Variants in TRAK2 observed in about 807,000 individuals in gnomAD.
TRAK2 encodes the protein trafficking kinesin-binding protein 2.
A neutral mutation model predicts 104.6 loss-of-function variants in TRAK2; 81 were observed. The observed-to-expected ratio is 0.77, with a 90% CI of 0.65 to 0.93. The LOEUF (loss-of-function observed/expected upper bound fraction) is 0.93. Ranked by LOEUF, TRAK2 falls within the 40% of genes least tolerant of loss-of-function variation. The pLI is 0.00. For missense variants in TRAK2, 1,002 were observed against 1,089.0 expected (o/e 0.92, Z 1.12); for synonymous variants, 406 against 394.4 (o/e 1.03, Z -0.35).
At position 201,384,225 on chromosome 2, in the gene TRAK2, G is replaced by T. The variant is rs759323070; in HGVS notation, c.1964-9C>A. 6.2e-7 allele frequency: 1 copy of T among 1,600,294 alleles called. No homozygotes were observed. The highest frequency in any genetic ancestry group is 8.6e-7 in the Non-Finnish European group (1 of 1,169,344). On this transcript the variant is annotated splice_polypyrimidine_tract_variant and intron_variant, in intron 14 of 15. Coordinates refer to ENST00000332624, the MANE Select transcript of TRAK2 (RefSeq NM_015049.3). ...TGGGTTGGCGGTTGCAACTGAAATA[G>T]ATTTTTAGGGAGCAAATACAAGATT...
chr2:201,383,097 C>T (rs576279075), intron 15 of TRAK2, among the ~76,000 whole-genome samples: 2 of 152,242 alleles, frequency 1.3e-5, no homozygotes, highest in Non-Finnish European at 2.9e-5. Flanking sequence ...ACCTTAGATC[C>T]TTTTGGGAAT....
chr2:201,388,408 G>C (rs1483622961), intron 12 of TRAK2, among the ~76,000 whole-genome samples: 1 of 151,812 alleles, frequency 6.6e-6, no homozygotes, highest in African/African-American at 2.4e-5. Context: ...AAACGCTACG[G>C]ATTAAACTAA....
intron 1 of TRAK2, among the ~76,000 whole-genome samples, chr2:201,443,368 G>GGA (rs1274409350): frequency 2.0e-5 from 3 of 152,046 alleles, no homozygotes; most frequent in Admixed American, 1.3e-4. Context: ...TGGCTCTCCT[G>GGA]GAGAGAGAGA....
chr2:201,398,722 C>T (rs1453306717), intron 5 of TRAK2, among the ~76,000 whole-genome samples: 1 of 151,872 alleles, frequency 6.6e-6, no homozygotes, highest in Non-Finnish European at 1.5e-5. Context: ...AGAATAGATC[C>T]CTACTTCAAA....
In TRAK2 at chr2:201,386,284, A is replaced by G; in HGVS notation, c.1897T>C (p.Ser633Pro). Reference sequence around the variant, plus strand: ...ATCCCTGTTACTGGCTTGGATGTTGAAAGTTTCTCTTCCACTTCAAGAGGT... The same window carrying G: ...ATCCCTGTTACTGGCTTGGATGTTGGAAGTTTCTCTTCCACTTCAAGAGGT... Reference protein sequence around the residue: ...QQPLEVEEKLSTSKPVTGIFL... With the variant: ...QQPLEVEEKLPTSKPVTGIFL... Residue 633 changes from serine to proline, a missense_variant, in exon 14 of 16, where the codon TCA (serine) becomes CCA (proline). By Grantham distance (74) the Ser-to-Pro change is moderately conservative (BLOSUM62 -1). Transcript: ENST00000332624. The G allele has an allele frequency of 6.2e-7, 1 of 1,614,070 alleles. No homozygotes were observed. Among genetic ancestry groups the G allele is most frequent in the Non-Finnish European group, 8.5e-7 (1 of 1,179,996 alleles).
intron 1 of TRAK2, among the ~76,000 whole-genome samples, chr2:201,428,553 G>C (rs1268943021): frequency 6.6e-6 from 1 of 151,956 alleles, no homozygotes; most frequent in East Asian, 1.9e-4. Flanking sequence ...CCAATACCAT[G>C]CTGTTTTGGT....
intron 1 of TRAK2, among the ~76,000 whole-genome samples, chr2:201,440,538 T>C (rs926149664): frequency 1.3e-5 from 2 of 152,212 alleles, no homozygotes; most frequent in African/African-American, 2.4e-5. Flanking sequence ...TTACCTAGCC[T>C]AGCTATGAAC....
intron 1 of TRAK2, among the ~76,000 whole-genome samples, chr2:201,445,559 G>A (rs980641096): frequency 6.6e-6 from 1 of 152,224 alleles, no homozygotes; most frequent in Admixed American, 6.5e-5. Context: ...TCGGGAGAGA[G>A]CTCTTTTCTA....
rs1290781015 is a variant in TRAK2, at chr2:201,378,548, T to C, written c.*1995A>G. The C allele has an allele frequency of 1.3e-5, 2 of 152,178 alleles. No homozygotes were observed. Among genetic ancestry groups the C allele is most frequent in the African/African-American group, 4.8e-5 (2 of 41,440 alleles). 9.4% of individuals were successfully genotyped at this position (152,178 alleles called of 1,614,324 possible). A position where few individuals can be genotyped will look rare whatever the true frequency, so the allele number is the denominator to read the frequency against. ...TAAAGTAAGCACCCCAGAGTCACTT[T>C]ATGAAATACAAATTCAAATGGTATT... On this transcript the variant is annotated 3_prime_UTR_variant, in exon 16 of 16. Transcript: ENST00000332624.
In TRAK2 at chr2:201,411,153, A is replaced by G. The variant is rs544751173; in HGVS notation, c.92-3556T>C. On this transcript the variant is annotated intron_variant, in intron 2 of 15. Coordinates refer to ENST00000332624, the MANE Select transcript of TRAK2 (RefSeq NM_015049.3). Reference sequence around the variant, plus strand: ...AACAGAAAGGCTAGTCAAAGATGACATATTATCCATCAATGTGTCTGTCAA... The same window carrying G: ...AACAGAAAGGCTAGTCAAAGATGACGTATTATCCATCAATGTGTCTGTCAA... The G allele has an allele frequency of 6.5e-6, 5 of 772,124 alleles. No individual in the cohort carries two copies. In the South Asian group the frequency reaches 7.8e-5, roughly 12 times the overall value. 47.8% of individuals were successfully genotyped at this position (772,124 alleles called of 1,614,324 possible). A position where few individuals can be genotyped will look rare whatever the true frequency, so the allele number is the denominator to read the frequency against.
In TRAK2 at chr2:201,447,349, C is replaced by A. The variant is rs563818458; in HGVS notation, c.-200+4001G>T. Among the ~76,000 whole-genome samples, 8 of 152,344 alleles carry A rather than the reference C, an allele frequency of 5.3e-5. No individual in the cohort carries two copies. The South Asian group carries it at 1.7e-3, about 32-fold the overall frequency. The stretch of plus-strand genomic sequence containing the variant: ...GCTTTTTGTATGTCAACTTCTATCA[C>A]CTAACCACAGCTTAAAGCCTTTTTG... On this transcript the variant is annotated intron_variant, in intron 1 of 15. Transcript: ENST00000332624. This position sits in a 1 kb window ranked among gnomAD's most constrained non-coding sequence, Gnocchi z 4.1.
intron 1 of TRAK2, chr2:201,423,506 C>T (rs559445352): frequency 6.6e-6 from 1 of 152,190 alleles, no homozygotes; most frequent in African/African-American, 2.4e-5. Flanking sequence ...AAAATTTCAT[C>T]AATTACAGCT....
chr2:201,398,938 A>C (rs954749295), intron 5 of TRAK2, among the ~76,000 whole-genome samples: 1 of 152,170 alleles, frequency 6.6e-6, no homozygotes, highest in Non-Finnish European at 1.5e-5. Context: ...GTTAATAATA[A>C]GTCAGTTCTC....
intron 14 of TRAK2, among the ~76,000 whole-genome samples, chr2:201,384,708 A>C (rs1951372788): frequency 6.6e-6 from 1 of 152,252 alleles, no homozygotes; most frequent in Non-Finnish European, 1.5e-5. Flanking sequence ...AATATCACCA[A>C]GTTGTACTAG....
chr2:201,449,984 C>T (rs563615512), intron 1 of TRAK2, among the ~76,000 whole-genome samples: 5 of 152,052 alleles, frequency 3.3e-5, no homozygotes, highest in South Asian at 2.1e-4. Flanking sequence ...TGAGCCACAG[C>T]GCCCGGCCAA....
chr2:201,397,703 C>G (rs57595196), intron 6 of TRAK2, 123 bp from the exon 7 acceptor site: 1 of 693,040 alleles, frequency 1.4e-6, no homozygotes, highest in Non-Finnish European at 2.4e-6. Context: ...AACCCAACAA[C>G]CTGTTCATAC....
At chr2:201,430,569 G>C (rs997567009) in intron 1 of TRAK2, among the ~76,000 whole-genome samples, 1 of 152,208 alleles carries the variant, frequency 6.6e-6, no homozygotes, top group South Asian at 2.1e-4. Context: ...CTTACAGTTC[G>C]ATCTTGGACT....
chr2:201,399,317 A>T, intron 5 of TRAK2, 60 bp downstream of exon 5: 1 of 1,186,882 alleles, frequency 8.4e-7, no homozygotes, highest in Non-Finnish European at 1.2e-6. Context: ...TAGGAAAATA[A>T]ATTTTCAATT....
At chr2:201,411,698 G>GT in intron 2 of TRAK2, 1 of 779,376 alleles carries the variant, frequency 1.3e-6, no homozygotes, top group South Asian at 1.3e-5. Context: ...TACCCATGAG[G>GT]ACTGCAGACT....
Sources: allele counts gnomAD v4.1 joint callset (sites outside exome capture counted in the v4.1 genomes callset), GRCh38; gene constraint gnomAD v4.1.1; non-coding constraint Gnocchi (gnomAD v3.1); transcripts MANE v1.5; gene names NCBI Gene and HGNC (gene_info 2026-07-23, HGNC 2026-07-21).